TCIRG1: variants seen among roughly 807,000 people sequenced by gnomAD.
TCIRG1 encodes V-type proton ATPase 116 kDa subunit a 3.
TCIRG1 carries 86 observed loss-of-function variants against 95.5 expected under a neutral mutation model. The ratio of observed to expected loss-of-function variants is 0.90; its 90% CI spans 0.76 to 1.08. TCIRG1 has a LOEUF of 1.08. Ranked by LOEUF, TCIRG1 falls within the 50% of genes least tolerant of loss-of-function variation. The probability of loss-of-function intolerance (pLI) is 0.00; values close to 1 mark genes in which losing one functional copy is unlikely to be tolerated. For missense variants in TCIRG1, 1,069 were observed against 1,140.2 expected (o/e 0.94, Z 0.90); for synonymous variants, 499 against 501.3 (o/e 1.00, Z 0.06).
At position 68,047,524 on chromosome 11, in the gene TCIRG1, C is replaced by T; in HGVS notation, c.1257C>T (p.Ala419=). The T allele has an allele frequency of 3.1e-6, 5 of 1,614,080 alleles. No individual in the cohort carries two copies. The highest frequency in any genetic ancestry group is 4.2e-6 in the Non-Finnish European group (5 of 1,180,024). ...HGLLMFLFAL[A]MVLAENRPAV... Reference sequence around the variant, plus strand: ...TGCTCATGTTCCTGTTCGCCCTGGCCATGGTCCTTGCGGAGAACCGACCGG... The same window carrying T: ...TGCTCATGTTCCTGTTCGCCCTGGCTATGGTCCTTGCGGAGAACCGACCGG... The change falls in exon 11 of 20, where the codon GCC becomes GCT. Residue 419 remains alanine (A), a synonymous_variant. Transcript: ENST00000265686.
intron 9 of TCIRG1, among the ~76,000 whole-genome samples, chr11:68,044,598 A>G (rs1163626742): frequency 2.0e-5 from 3 of 152,044 alleles, no homozygotes; most frequent in African/African-American, 7.2e-5. Flanking sequence ...CCTCATTCCA[A>G]TCCAGGCCCC....
rs1565152710 is a variant in TCIRG1, at chr11:68,041,380, T to A, written c.109T>A (p.Phe37Ile). 6.2e-7 allele frequency: 1 copy of A among 1,610,372 alleles called. No individual in the cohort carries two copies. Among genetic ancestry groups the A allele is most frequent in the East Asian group, 2.2e-5 (1 of 44,814 alleles). The change falls in exon 2 of 20, where the codon TTC becomes ATC. Residue 37 changes from phenylalanine to isoleucine, a missense_variant. Transcript: ENST00000265686. ...SRLGELGLVEFRDLNASVSAF... is the reference protein window; with the variant it reads ...SRLGELGLVEIRDLNASVSAF... ...GCTGGGCGAGCTGGGCCTCGTGGAG[T>A]TCAGAGACGTGAGTTGGGTGGGCAG...
At chr11:68,046,378 A>C (rs1855485551) in intron 10 of TCIRG1, among the ~76,000 whole-genome samples, 2 of 152,216 alleles carry the variant, frequency 1.3e-5, no homozygotes, top group Non-Finnish European at 1.5e-5. Flanking sequence ...TGTTGTCAGC[A>C]GGAGTGGCTC....
At chr11:68,050,988 C>T, downstream of TCIRG1, 1 of 753,268 alleles carries the variant, frequency 1.3e-6, no homozygotes, top group Non-Finnish European at 2.3e-6. Context: ...AAGTCAAGGC[C>T]TGGACCTGAG....
chr11:68,043,954 C>T, intron 8 of TCIRG1, 47 bp downstream of exon 8: 1 of 1,454,714 alleles, frequency 6.9e-7, no homozygotes, highest in Non-Finnish European at 9.3e-7. Flanking sequence ...GGTGGGTGCC[C>T]CCGGCCTCCC....
rs775292379 is a variant in TCIRG1, at chr11:68,043,643, A to G, written c.703A>G (p.Ile235Val). 5 of 1,609,070 alleles carry G rather than the reference A, an allele frequency of 3.1e-6. No homozygotes were observed. The African/African-American group carries it at 5.3e-5, about 17-fold the overall frequency. The change falls in exon 7 of 20, where the codon ATC becomes GTC. Residue 235 changes from isoleucine to valine, a missense_variant. Physicochemically the swap from Ile to Val is conservative, Grantham distance 29. Coordinates refer to ENST00000265686, the MANE Select transcript of TCIRG1 (RefSeq NM_006019.4). ...GEQIGQKIRKITDCFHCHVFP... is the reference protein window; with the variant it reads ...GEQIGQKIRKVTDCFHCHVFP... ...GCAGATCGGACAGAAGATCCGCAAG[A>G]TCACGGACTGGTGAGTCACTGGGAA...
At chr11:68,041,976 C>A in intron 3 of TCIRG1, 145 bp downstream of exon 3, 1 of 776,148 alleles carries the variant, frequency 1.3e-6, no homozygotes, top group Non-Finnish European at 2.2e-6. Context: ...CAAGACAGAG[C>A]AGCTGGGATC....
At position 68,048,863 on chromosome 11, in the gene TCIRG1, C is replaced by G. The variant is rs1005426471; in HGVS notation, c.1555-16C>G. The G allele has an allele frequency of 6.3e-7, 1 of 1,588,282 alleles. No individual in the cohort carries two copies. Among genetic ancestry groups the G allele is most frequent in the Non-Finnish European group, 8.6e-7 (1 of 1,162,176 alleles). On this transcript the variant is annotated splice_polypyrimidine_tract_variant and intron_variant, in intron 13 of 19. Coordinates refer to ENST00000265686, the MANE Select transcript of TCIRG1 (RefSeq NM_006019.4). ...AGGGAGCCCCTGAGTCCAGCCCACCCCTGCTGCCACCCTAGATTTGGAGCC... is the reference window on the plus strand; with the variant it reads ...AGGGAGCCCCTGAGTCCAGCCCACCGCTGCTGCCACCCTAGATTTGGAGCC...
chr11:68,050,343 C>T (rs752628367), intron 18 of TCIRG1, 89 bp downstream of exon 18: 327 of 1,598,450 alleles, frequency 2.0e-4, no homozygotes, highest in Non-Finnish European at 2.6e-4. Context: ...CTCTGGGCCT[C>T]AGTTTCCCCT....
At chr11:68,041,695 G>T (rs1855175621) in intron 2 of TCIRG1, 58 bp from the exon 3 acceptor site, 8 of 1,436,998 alleles carry the variant, frequency 5.6e-6, no homozygotes, top group Non-Finnish European at 7.7e-6. Context: ...GGGCTCTAGG[G>T]TGAGGAGCTC....
intron 3 of TCIRG1, 98 bp from the exon 4 acceptor site, chr11:68,042,545 C>A: frequency 9.8e-7 from 1 of 1,015,546 alleles, no homozygotes; most frequent in Non-Finnish European, 1.5e-6. Flanking sequence ...CCTGGTGAAT[C>A]CAGCAGCTGG....
Position 68,045,082 on chromosome 11 carries a change from G to A in TCIRG1, c.1145G>A (p.Arg382His), listed in dbSNP as rs377606797. ...QGIVDAYGVG[R>H]YQEVNPAPYT... ...ATCGTGGATGCCTACGGCGTGGGCC[G>A]CTACCAGGAGGTCAACCCCGGTGAG... Residue 382 changes from arginine to histidine, a missense_variant, in exon 10 of 20, where the codon CGC becomes CAC. Coordinates refer to ENST00000265686, the MANE Select transcript of TCIRG1 (RefSeq NM_006019.4). 1.9e-5 allele frequency: 31 copies of A among 1,602,266 alleles called. No homozygotes were observed. Among genetic ancestry groups the A allele is most frequent in the Non-Finnish European group, 2.2e-5 (26 of 1,179,968 alleles).
At chr11:68,044,786 T>C in intron 9 of TCIRG1, 172 bp from the exon 10 acceptor site, 1 of 797,548 alleles carries the variant, frequency 1.3e-6, no homozygotes, top group Non-Finnish European at 2.0e-6. Flanking sequence ...GTGGTGTCTT[T>C]GGGCCCCCAC....
intron 9 of TCIRG1, 119 bp downstream of exon 9, chr11:68,044,463 C>T (rs1406489016): frequency 1.2e-6 from 1 of 800,806 alleles, no homozygotes; most frequent in East Asian, 2.7e-5. Context: ...GGCTCCTTCT[C>T]CTCCCAGCCT....
chr11:68,044,059 A>C, intron 8 of TCIRG1, 73 bp from the exon 9 acceptor site: 1 of 1,412,452 alleles, frequency 7.1e-7, no homozygotes, highest in South Asian at 1.2e-5. Flanking sequence ...AGGTGGGTGC[A>C]GGAGGTGGGT....
Position 68,043,433 on chromosome 11 carries a change from C to A in TCIRG1, c.566C>A (p.Ala189Asp), listed in dbSNP as rs988284407. 2.5e-5 allele frequency: 38 copies of A among 1,546,550 alleles called. No individual in the cohort carries two copies. Among genetic ancestry groups the A allele is most frequent in the Admixed American group, 5.9e-5 (3 of 51,036 alleles). The part of the protein sequence containing the change: ...APALERLLWR[A>D]CRGFLIASFR... ...GCCCTAGAGCGCCTGCTCTGGAGGG[C>A]CTGCCGCGGCTTCCTCATTGCCAGC... Residue 189 changes from alanine (A) to aspartate (D), a missense_variant, in exon 6 of 20, where the codon GCC becomes GAC. Coordinates refer to ENST00000265686, the MANE Select transcript of TCIRG1 (RefSeq NM_006019.4).
At chr11:68,051,149 T>TG (rs753672289), downstream of TCIRG1, among the ~76,000 whole-genome samples, 1 of 152,310 alleles carries the variant, frequency 6.6e-6, no homozygotes, top group East Asian at 1.9e-4. Flanking sequence ...GGTGTGCACC[T>TG]GGCTGTGAGC....
Position 68,047,431 on chromosome 11 carries a change from A to C in TCIRG1, c.1166-2A>C, listed in dbSNP as rs113982129. 6.2e-7 allele frequency: 1 copy of C among 1,613,724 alleles called. No homozygotes were observed. The highest frequency in any genetic ancestry group is 2.2e-5 in the East Asian group (1 of 44,854). ...TCCCAGCTCACCCACCTCTGCCCACAGCTCCCTACACCATCATCACCTTCC... is the reference window on the plus strand; with the variant it reads ...TCCCAGCTCACCCACCTCTGCCCACCGCTCCCTACACCATCATCACCTTCC... On this transcript the variant is annotated splice_acceptor_variant, in intron 10 of 19. Coordinates refer to ENST00000265686, the MANE Select transcript of TCIRG1 (RefSeq NM_006019.4). LOFTEE classifies it high-confidence loss of function.
intron 17 of TCIRG1, 31 bp downstream of exon 17, chr11:68,050,097 G>A (rs112138741): frequency 2.3e-5 from 37 of 1,611,838 alleles, no homozygotes; most frequent in African/African-American, 1.3e-4. Context: ...GGGGTGGGAC[G>A]GCTGAGGCCC....
Sources: gnomAD v4.1 joint callset for allele counts (sites outside exome capture counted in the v4.1 genomes callset) on GRCh38, gnomAD v4.1.1 for gene constraint, MANE v1.5 for transcripts, NCBI Gene and HGNC (gene_info 2026-07-23, HGNC 2026-07-21) for gene names.